DNAH11: variants seen among roughly 807,000 people sequenced by gnomAD.
DNAH11 encodes dynein axonemal heavy chain 11, also known as axonemal beta dynein heavy chain 11.
DNAH11 carries 442 observed loss-of-function variants against 526.0 expected under a neutral mutation model. That is an observed-to-expected ratio of 0.84 (90% CI 0.78 to 0.91). DNAH11 has a LOEUF of 0.91. DNAH11 is among the 40% of genes least tolerant of loss of function. The pLI is 0.00. For synonymous variants in DNAH11, 2,461 were observed against 1,935.9 expected, an observed-to-expected ratio of 1.27 and a Z score of -7.12; for missense variants, 6,989 against 5,448.7, an observed-to-expected ratio of 1.28 and a Z score of -8.90.
chr7:21,775,989 G>A (rs1562538845), intron 56 of DNAH11, among the ~76,000 whole-genome samples: 1 of 152,226 alleles, frequency 6.6e-6, no homozygotes, highest in Non-Finnish European at 1.5e-5. Flanking sequence ...CTAAAAGCAA[G>A]TGGGGTACCA....
At chr7:21,612,206 GA>G (rs1237286640) in intron 20 of DNAH11, among the ~76,000 whole-genome samples, 1 of 151,954 alleles carries the variant, frequency 6.6e-6, no homozygotes, top group Non-Finnish European at 1.5e-5. Context: ...TAGCCAGTCA[GA>G]AAATAAAAAG....
At chr7:21,815,221 A>G (rs1001947164) in intron 63 of DNAH11, among the ~76,000 whole-genome samples, 4 of 152,110 alleles carry the variant, frequency 2.6e-5, no homozygotes, top group African/African-American at 9.7e-5. Context: ...ACAGCCCCCA[A>G]TTGTTTCAGC....
At chr7:21,862,555 T>C (rs1007551295) in intron 69 of DNAH11, among the ~76,000 whole-genome samples, 2 of 152,182 alleles carry the variant, frequency 1.3e-5, no homozygotes, top group Middle Eastern at 3.2e-3. Context: ...TGTGAGGAGA[T>C]GGATATATGA....
At chr7:21,579,207 A>G (rs925919657) in intron 8 of DNAH11, among the ~76,000 whole-genome samples, 6 of 152,194 alleles carry the variant, frequency 3.9e-5, no homozygotes, top group Non-Finnish European at 5.9e-5. Flanking sequence ...AATAAAGGCA[A>G]TTATGCAGTT....
intron 9 of DNAH11, among the ~76,000 whole-genome samples, chr7:21,587,517 G>T (rs1583504802): frequency 1.3e-5 from 2 of 152,120 alleles, no homozygotes; most frequent in African/African-American, 4.8e-5. Flanking sequence ...CTGTGGAGTG[G>T]TTGTCCTTGT....
intron 20 of DNAH11, among the ~76,000 whole-genome samples, chr7:21,607,430 T>C (rs924411437): frequency 1.3e-5 from 2 of 152,138 alleles, no homozygotes; most frequent in African/African-American, 4.8e-5. Flanking sequence ...AACAATACTT[T>C]GTATCCTTCA....
chr7:21,829,737 G>T (rs796909213), intron 65 of DNAH11, among the ~76,000 whole-genome samples: 3 of 152,236 alleles, frequency 2.0e-5, no homozygotes, highest in African/African-American at 7.2e-5. Flanking sequence ...GGCATCATTC[G>T]TTTTCAGATG....
chr7:21,892,785 A>G (rs1158496815), intron 77 of DNAH11, 118 bp downstream of exon 77: 2 of 1,167,568 alleles, frequency 1.7e-6, no homozygotes, highest in African/African-American at 1.5e-5. Flanking sequence ...TCATACAACC[A>G]CCACCTAGAT....
chr7:21,733,841 T>A lies in DNAH11; in HGVS notation c.7441-1799T>A, dbSNP rs35189983. 9.9e-3 allele frequency among the ~76,000 whole-genome samples: 1,500 copies of A among 152,152 alleles called. 13 individuals are homozygous for A. Among genetic ancestry groups the A allele is most frequent in the Non-Finnish European group, 0.017 (1,126 of 67,994 alleles). ...AGGCAGGGACTGTCGCTAGCCTTTT[T>A]TATATATATATACGGAGAAACAGGC... On this transcript the variant is annotated intron_variant, in intron 45 of 81. Transcript: ENST00000409508.
intron 30 of DNAH11, among the ~76,000 whole-genome samples, chr7:21,674,190 C>T (rs1203389038): frequency 1.3e-5 from 2 of 150,756 alleles, no homozygotes; most frequent in Non-Finnish European, 3.0e-5. Context: ...CTCCCAAGTA[C>T]CTGGAGTTAT....
chr7:21,685,693 T>C (rs999884696), intron 32 of DNAH11, among the ~76,000 whole-genome samples: 1 of 152,176 alleles, frequency 6.6e-6, no homozygotes, highest in Non-Finnish European at 1.5e-5. Flanking sequence ...CTGTTAGATA[T>C]TCCAAACAAA....
In DNAH11 at chr7:21,599,840, T is replaced by C. The variant is rs1785003459; in HGVS notation, c.2721T>C (p.Tyr907=). The change falls in exon 15 of 82, where the codon TAT becomes TAC. Residue 907 remains tyrosine (Y), a synonymous_variant. Coordinates refer to ENST00000409508, the MANE Select transcript of DNAH11 (RefSeq NM_001277115.2). ...ANPSLDTWKI[Y]VEFIDDIVVE... is the part of the protein sequence containing the mutation. ...CCTCTCTGGATACCTGGAAAATTTATGTAGAATTCATTGACGACATTGTGG... is the reference window on the plus strand; with the variant it reads ...CCTCTCTGGATACCTGGAAAATTTACGTAGAATTCATTGACGACATTGTGG... 2.5e-6 allele frequency: 4 copies of C among 1,598,380 alleles called. No homozygotes were observed. The highest frequency in any genetic ancestry group is 3.4e-6 in the Non-Finnish European group (4 of 1,170,076).
At chr7:21,869,016 C>G (rs981969326) in intron 73 of DNAH11, 25 bp downstream of exon 73, 1 of 1,613,172 alleles carries the variant, frequency 6.2e-7, no homozygotes, top group East Asian at 2.2e-5. Context: ...TCAGGGAAGA[C>G]ACTGGGCATA....
At chr7:21,646,837 A>G (rs910892879) in intron 28 of DNAH11, among the ~76,000 whole-genome samples, 1 of 152,188 alleles carries the variant, frequency 6.6e-6, no homozygotes, top group African/African-American at 2.4e-5. Context: ...TTTTCCAAGT[A>G]ATTTATGCCA....
In DNAH11 at chr7:21,600,859, G is replaced by T. The variant is rs371880343; in HGVS notation, c.3184G>T (p.Asp1062Tyr). The change falls in exon 16 of 82, where the codon GAT becomes TAT. Residue 1062 changes from aspartate (D) to tyrosine (Y), a missense_variant. Physicochemically the swap from Asp to Tyr is radical, Grantham distance 160. Coordinates refer to ENST00000409508, the MANE Select transcript of DNAH11 (RefSeq NM_001277115.2). ...FLLYGHAVSSDEMDAHANEEI... is the reference protein window; with the variant it reads ...FLLYGHAVSSYEMDAHANEEI... Reference sequence around the variant, plus strand: ...CTTGTATGGCCATGCTGTGTCTTCCGATGAAATGGATGCTCATGCAAATGA... The same window carrying T: ...CTTGTATGGCCATGCTGTGTCTTCCTATGAAATGGATGCTCATGCAAATGA... The T allele has an allele frequency of 3.9e-5, 63 of 1,613,930 alleles. No individual in the cohort carries two copies. The African/African-American group carries it at 8.0e-4, about 20-fold the overall frequency.
At chr7:21,804,196 C>T (rs1789140811) in intron 62 of DNAH11, among the ~76,000 whole-genome samples, 1 of 152,140 alleles carries the variant, frequency 6.6e-6, no homozygotes, top group Admixed American at 6.5e-5. Flanking sequence ...GCAAGCTCCG[C>T]CTCCCGGGTT....
At chr7:21,753,336 G>A (rs914916863) in intron 54 of DNAH11, among the ~76,000 whole-genome samples, 4 of 152,140 alleles carry the variant, frequency 2.6e-5, no homozygotes, top group Non-Finnish European at 5.9e-5. Flanking sequence ...TGCTGCCTCC[G>A]GCTACTAAGG....
chr7:21,617,681 A>G lies in DNAH11; in HGVS notation c.4158A>G (p.Thr1386=), dbSNP rs772017805. 1 of 1,613,792 alleles carries G rather than the reference A, an allele frequency of 6.2e-7. No individual in the cohort carries two copies. ...ATGCTTACACGGGCCTGGAAGGCAC[A>G]GTTAAGGACATGACAGCCTCCCTGA... ...VWDAYTGLEG[T]VKDMTASLRA... The change falls in exon 23 of 82, where the codon ACA becomes ACG. Residue 1386 remains threonine (T), a synonymous_variant. Transcript: ENST00000409508.
At chr7:21,544,708 A>G (rs1782741563) in intron 1 of DNAH11, among the ~76,000 whole-genome samples, 1 of 151,980 alleles carries the variant, frequency 6.6e-6, no homozygotes, top group African/African-American at 2.4e-5. Flanking sequence ...CGTGCTCCTT[A>G]TTTGTTTTTA....
Sources: allele counts gnomAD v4.1 joint callset (sites outside exome capture counted in the v4.1 genomes callset), GRCh38; gene constraint gnomAD v4.1.1; transcripts MANE v1.5; gene names NCBI Gene and HGNC (gene_info 2026-07-23, HGNC 2026-07-21).